GPT2: variants seen among roughly 807,000 people sequenced by gnomAD.
GPT2 encodes the protein glutamic--pyruvic transaminase 2.
In GPT2, 30 loss-of-function variants were observed where a neutral mutation model predicts 56.9. That is an observed-to-expected ratio of 0.53 (90% CI 0.39 to 0.72). GPT2 has a LOEUF of 0.72. Among genes scored for constraint, GPT2 ranks in the 30% least tolerant of loss-of-function variants. The pLI, the probability that GPT2 is intolerant of heterozygous loss-of-function variation, is 0.00. For synonymous variants in GPT2, 271 were observed against 283.1 expected (o/e 0.96, Z 0.43); for missense variants, 542 against 703.4 (o/e 0.77, Z 2.60).
intron 10 of GPT2, among the ~76,000 whole-genome samples, chr16:46,925,039 G>A (rs1045771281): frequency 2.6e-5 from 4 of 151,956 alleles, no homozygotes; most frequent in African/African-American, 7.3e-5. Flanking sequence ...TGGGATTACC[G>A]GCTTGAGCCA....
intron 9 of GPT2, 83 bp from the exon 10 acceptor site, chr16:46,924,305 GC>G (rs774046909): frequency 6.8e-7 from 1 of 1,465,318 alleles, no homozygotes; most frequent in African/African-American, 1.4e-5. Context: ...TGGGATTTCC[GC>G]AAGTGCTGCA....
chr16:46,901,251 C>T (rs903181741), intron 4 of GPT2, among the ~76,000 whole-genome samples: 2 of 152,188 alleles, frequency 1.3e-5, no homozygotes, highest in African/African-American at 4.8e-5. Context: ...CCCCTCCAGC[C>T]CCTTTCTCTG....
At chr16:46,908,331 AC>A (rs1447506394) in intron 5 of GPT2, among the ~76,000 whole-genome samples, 1 of 146,946 alleles carries the variant, frequency 6.8e-6, no homozygotes, top group African/African-American at 2.6e-5. Context: ...AGCTTGGGAG[AC>A]TGATGGAGCC....
intron 2 of GPT2, among the ~76,000 whole-genome samples, chr16:46,891,424 A>G (rs932978007): frequency 6.7e-6 from 1 of 150,064 alleles, no homozygotes; most frequent in Non-Finnish European, 1.5e-5. Flanking sequence ...TTTTTTTGAG[A>G]TGGAGTTTCG....
Position 46,924,395 on chromosome 16 carries a change from G to C in GPT2, c.1219G>C (p.Glu407Gln). Reference sequence around the variant, plus strand: ...TGTTTCCATCTCTCATCAGGAGAAGGAGTCGGTCCTGGGTAATCTGGCCAA... The same window carrying C: ...TGTTTCCATCTCTCATCAGGAGAAGCAGTCGGTCCTGGGTAATCTGGCCAA... ...ESFEQFSREK[E>Q]SVLGNLAKKA... The change falls in exon 10 of 12, where the codon GAG (glutamate) becomes CAG (glutamine). Residue 407 changes from glutamate (E) to glutamine (Q), a missense_variant. Glu to Gln is a conservative substitution (Grantham distance 29, BLOSUM62 2). Transcript: ENST00000340124. 6.2e-7 allele frequency: 1 copy of C among 1,614,222 alleles called. No homozygotes were observed. The highest frequency in any genetic ancestry group is 1.1e-5 in the South Asian group (1 of 91,078).
intron 3 of GPT2, 72 bp from the exon 4 acceptor site, chr16:46,900,610 T>C (rs1960797020): frequency 1.7e-6 from 2 of 1,158,548 alleles, no homozygotes; most frequent in Non-Finnish European, 2.6e-6. Context: ...ATCCTCCCAG[T>C]GGCCTCTGTG....
At chr16:46,889,413 A>G (rs1167293505) in intron 2 of GPT2, among the ~76,000 whole-genome samples, 1 of 151,916 alleles carries the variant, frequency 6.6e-6, no homozygotes. Flanking sequence ...GTGTGCCACC[A>G]TGCTGGCTAA....
chr16:46,897,714 C>T lies in GPT2; in HGVS notation c.310C>T (p.Gln104Ter). ...NIGDAQAMGQ[Q>*]PITFLRQVMA... ...CGGGGACGCCCAGGCTATGGGGCAG[C>T]AGCCAATCACCTTCCTCCGGCAGGT... Residue 104 changes from glutamine to a stop codon, truncating the protein, a stop_gained, in exon 3 of 12, where the codon CAG (glutamine) becomes TAG (stop). Coordinates refer to ENST00000340124, the MANE Select transcript of GPT2 (RefSeq NM_133443.4). LOFTEE classifies it high-confidence loss of function. The T allele has an allele frequency of 6.2e-7, 1 of 1,614,106 alleles. No individual in the cohort carries two copies. The highest frequency in any genetic ancestry group is 8.5e-7 in the Non-Finnish European group (1 of 1,179,938).
In GPT2 at chr16:46,930,109, CAG is replaced by C. The variant is rs1230138753; in HGVS notation, c.*1115_*1116del. ...GGAGGTTCATTGCCGTGCTTTCATGCAGAGTGTTTTGCCTTCATGTTAGCTTC... is the reference window on the plus strand; with the variant it reads ...GGAGGTTCATTGCCGTGCTTTCATGCAGTGTTTTGCCTTCATGTTAGCTTC... On this transcript the variant is annotated 3_prime_UTR_variant, in exon 12 of 12. Coordinates refer to ENST00000340124, the MANE Select transcript of GPT2 (RefSeq NM_133443.4). 1 of 153,198 alleles carries C rather than the reference CAG, an allele frequency of 6.5e-6. No homozygotes were observed. Among genetic ancestry groups the C allele is most frequent in the African/African-American group, 2.4e-5 (1 of 41,468 alleles). 9.5% of individuals were successfully genotyped at this position (153,198 alleles called of 1,614,324 possible).
chr16:46,896,554 G>A (rs1011479331), intron 2 of GPT2, among the ~76,000 whole-genome samples: 1 of 152,054 alleles, frequency 6.6e-6, no homozygotes, highest in Non-Finnish European at 1.5e-5. Flanking sequence ...CATGTCTTCC[G>A]ATGGGGAGGG....
intron 8 of GPT2, 113 bp downstream of exon 8, chr16:46,918,870 T>C: frequency 7.8e-7 from 1 of 1,285,504 alleles, no homozygotes; most frequent in South Asian, 1.3e-5. Context: ...AGGCTGCCCT[T>C]ATCTGTTGCT....
At chr16:46,892,942 C>G (rs917341356) in intron 2 of GPT2, among the ~76,000 whole-genome samples, 2 of 152,150 alleles carry the variant, frequency 1.3e-5, no homozygotes, top group African/African-American at 4.8e-5. Context: ...GTAGTATTTG[C>G]ATATGACCTA....
At chr16:46,927,623 A>G (rs1347813491) in intron 11 of GPT2, among the ~76,000 whole-genome samples, 2 of 152,146 alleles carry the variant, frequency 1.3e-5, no homozygotes, top group Non-Finnish European at 2.9e-5. Context: ...TTCCCCATAC[A>G]TGTTGCTCTC....
chr16:46,897,232 G>T (rs965962464), intron 2 of GPT2, among the ~76,000 whole-genome samples: 1 of 152,142 alleles, frequency 6.6e-6, no homozygotes, highest in Non-Finnish European at 1.5e-5. Context: ...AATTAGCCGG[G>T]TGTGGTGGTG....
Position 46,897,689 on chromosome 16 carries a change from C to T in GPT2, c.285C>T (p.Ile95=), listed in dbSNP as rs758789187. 61 of 1,614,040 alleles carry T rather than the reference C, an allele frequency of 3.8e-5. No homozygotes were observed. Among genetic ancestry groups the T allele is most frequent in the Non-Finnish European group, 4.4e-5 (52 of 1,179,984 alleles). The change falls in exon 3 of 12, where the codon ATC becomes ATT. Residue 95 remains isoleucine, a synonymous_variant. Transcript: ENST00000340124. ...KPFTEVIRAN[I]GDAQAMGQQP... ...TCACAGAGGTCATCCGAGCCAACAT[C>T]GGGGACGCCCAGGCTATGGGGCAGC...
chr16:46,896,602 C>A (rs564829336), intron 2 of GPT2, among the ~76,000 whole-genome samples: 2 of 152,158 alleles, frequency 1.3e-5, no homozygotes, highest in South Asian at 2.1e-4. Flanking sequence ...TAGACCATTG[C>A]GGTAGAGCTG....
chr16:46,900,373 T>C (rs987010019), intron 3 of GPT2, among the ~76,000 whole-genome samples: 1 of 151,968 alleles, frequency 6.6e-6, no homozygotes, highest in Admixed American at 6.6e-5. Context: ...GTGCCTTGGG[T>C]GTGTGAGCCC....
intron 3 of GPT2, 53 bp downstream of exon 3, chr16:46,897,790 CGGGCCGTCATAG>C: frequency 1.3e-6 from 2 of 1,547,638 alleles, no homozygotes; most frequent in Non-Finnish European, 1.8e-6. Context: ...CTGGGCTGGG[CGGGCCGTCATAG>C]GGGCCGTCCT....
chr16:46,929,013 A>T lies in GPT2; in HGVS notation c.*16A>T. On this transcript the variant is annotated 3_prime_UTR_variant, in exon 12 of 12. Transcript: ENST00000340124. ...GTACGCGTGAGGACGCCTGAGCCCC[A>T]GCGGGAGACCTGTCCTTGGCTCTTC... 6.2e-7 allele frequency: 1 copy of T among 1,602,762 alleles called. No individual in the cohort carries two copies. The highest frequency in any genetic ancestry group is 1.1e-5 in the South Asian group (1 of 90,834).
Sources: allele counts gnomAD v4.1 joint callset (sites outside exome capture counted in the v4.1 genomes callset), GRCh38; gene constraint gnomAD v4.1.1; transcripts MANE v1.5; gene names NCBI Gene and HGNC (gene_info 2026-07-23, HGNC 2026-07-21).